The following CCDC178 variants were observed in gnomAD, a reference collection of about 807,000 sequenced individuals.
The protein encoded by CCDC178 is coiled-coil domain containing 178.
In CCDC178, 126 loss-of-function variants were observed where a neutral mutation model predicts 117.4. That is an observed-to-expected ratio of 1.07 (90% CI 0.93 to 1.24). The LOEUF (loss-of-function observed/expected upper bound fraction) is 1.24. Among genes scored for constraint, CCDC178 ranks in the 50% most tolerant of loss-of-function variants. CCDC178 has a pLI of 0.00. For synonymous variants in CCDC178, 283 were observed against 313.4 expected, an observed-to-expected ratio of 0.90 and a Z score of 1.02; for missense variants, 1,030 against 986.9, an observed-to-expected ratio of 1.04 and a Z score of -0.59.
intron 9 of CCDC178, among the ~76,000 whole-genome samples, chr18:33,343,089 A>T (rs1212199492): frequency 6.6e-6 from 1 of 152,064 alleles, no homozygotes; most frequent in Non-Finnish European, 1.5e-5. Context: ...ATTCAAATTC[A>T]TTCAGAAACC....
intron 3 of CCDC178, among the ~76,000 whole-genome samples, chr18:33,408,226 A>T (rs72942647): frequency 0.11 from 17,297 of 151,958 alleles, 1,191 homozygotes; most frequent in East Asian, 0.19. Flanking sequence ...AAAATTATAA[A>T]GAATGATCTT....
chr18:33,276,822 T>C (rs2059956691), intron 12 of CCDC178, among the ~76,000 whole-genome samples: 1 of 152,140 alleles, frequency 6.6e-6, no homozygotes, highest in Non-Finnish European at 1.5e-5. Flanking sequence ...AATCCATTAA[T>C]TTAATATACT....
At chr18:32,991,595 T>C (rs1458367904) in intron 21 of CCDC178, among the ~76,000 whole-genome samples, 1 of 152,190 alleles carries the variant, frequency 6.6e-6, no homozygotes, top group Non-Finnish European at 1.5e-5. Flanking sequence ...TTTGTGCTCT[T>C]TACTTTCTTT....
chr18:33,223,945 A>G (rs1298575864), intron 17 of CCDC178, among the ~76,000 whole-genome samples: 2 of 152,170 alleles, frequency 1.3e-5, no homozygotes, highest in African/African-American at 4.8e-5. Flanking sequence ...CACGTTGCTC[A>G]GGCTCTTTAA....
At chr18:33,021,415 A>C (rs1335825807) in intron 21 of CCDC178, among the ~76,000 whole-genome samples, 1 of 152,160 alleles carries the variant, frequency 6.6e-6, no homozygotes, top group African/African-American at 2.4e-5. Context: ...TAAAAATAAC[A>C]GGCCAGGCAT....
chr18:33,301,054 T>C (rs1002525762), intron 11 of CCDC178, among the ~76,000 whole-genome samples: 1 of 152,226 alleles, frequency 6.6e-6, no homozygotes, highest in Non-Finnish European at 1.5e-5. Flanking sequence ...AGGAAAGAAC[T>C]GTTTCAGGGG....
chr18:33,340,016 T>C (rs564774494), intron 9 of CCDC178, among the ~76,000 whole-genome samples: 2 of 151,950 alleles, frequency 1.3e-5, no homozygotes, highest in East Asian at 3.9e-4. Context: ...GTTGGAACAG[T>C]TTGGAGGGCT....
intron 15 of CCDC178, among the ~76,000 whole-genome samples, chr18:33,228,118 T>A (rs918942995): frequency 6.6e-6 from 1 of 152,192 alleles, no homozygotes; most frequent in African/African-American, 2.4e-5. Flanking sequence ...TTGTGTTTTA[T>A]GTGTTAGAGA....
intron 14 of CCDC178, among the ~76,000 whole-genome samples, chr18:33,262,134 T>C (rs1015365106): frequency 6.6e-6 from 1 of 152,186 alleles, no homozygotes; most frequent in Admixed American, 6.5e-5. Context: ...TGGCCAATTG[T>C]TATAATTTTT....
At chr18:33,026,771 A>T (rs1386139602) in intron 21 of CCDC178, among the ~76,000 whole-genome samples, 1 of 151,908 alleles carries the variant, frequency 6.6e-6, no homozygotes, top group East Asian at 1.9e-4. Context: ...TCATCATAAA[A>T]CATAAGACAA....
At chr18:33,313,547 T>C (rs1447506711) in intron 11 of CCDC178, among the ~76,000 whole-genome samples, 2 of 152,184 alleles carry the variant, frequency 1.3e-5, no homozygotes, top group Non-Finnish European at 2.9e-5. Context: ...AGCAGTTACA[T>C]TGCAGGCCAT....
intron 10 of CCDC178, among the ~76,000 whole-genome samples, chr18:33,328,305 G>C (rs59820601): frequency 6.6e-6 from 1 of 151,888 alleles, no homozygotes; most frequent in African/African-American, 2.4e-5. Context: ...GTTTCACCAT[G>C]TTGGCCAGGA....
intron 21 of CCDC178, among the ~76,000 whole-genome samples, chr18:33,082,552 G>C (rs1161569482): frequency 6.6e-6 from 1 of 152,094 alleles, no homozygotes; most frequent in Non-Finnish European, 1.5e-5. Flanking sequence ...ATTCCACTTA[G>C]TTTAGTATAA....
chr18:33,063,598 C>T (rs1036680507), intron 21 of CCDC178, among the ~76,000 whole-genome samples: 1 of 152,170 alleles, frequency 6.6e-6, no homozygotes. Flanking sequence ...GGTTGGCCTG[C>T]CACTATAACT....
chr18:33,139,903 A>G (rs1424757787), intron 20 of CCDC178, among the ~76,000 whole-genome samples: 1 of 152,110 alleles, frequency 6.6e-6, no homozygotes, highest in Non-Finnish European at 1.5e-5. Context: ...CTGGAGACCT[A>G]GGAAGAAAAA....
chr18:33,358,541 G>A (rs1188466903), intron 6 of CCDC178, among the ~76,000 whole-genome samples: 2 of 151,734 alleles, frequency 1.3e-5, no homozygotes, highest in Non-Finnish European at 2.9e-5. Context: ...TATAAGAAAT[G>A]ACTGGATTTG....
chr18:33,423,188 A>G (rs2064055230), intron 2 of CCDC178, among the ~76,000 whole-genome samples: 1 of 152,162 alleles, frequency 6.6e-6, no homozygotes, highest in African/African-American at 2.4e-5. Flanking sequence ...TAATAATACA[A>G]TTTAAATTCC....
At chr18:33,185,799 T>C (rs1337739032) in intron 20 of CCDC178, among the ~76,000 whole-genome samples, 1 of 152,090 alleles carries the variant, frequency 6.6e-6, no homozygotes, top group African/African-American at 2.4e-5. Context: ...TTAAAGAAGA[T>C]GTTACATAGA....
chr18:33,235,859 G>GTATTAAAATGTA (rs2059420494), intron 15 of CCDC178, among the ~76,000 whole-genome samples: 1 of 152,064 alleles, frequency 6.6e-6, no homozygotes, highest in South Asian at 2.1e-4. Flanking sequence ...CTATTAAATT[G>GTATTAAAATGTA]ACTTATTCCC....
Sources: gnomAD v4.1 joint callset for allele counts (sites outside exome capture counted in the v4.1 genomes callset) on GRCh38, gnomAD v4.1.1 for gene constraint, MANE v1.5 for transcripts, NCBI Gene and HGNC (gene_info 2026-07-23, HGNC 2026-07-21) for gene names.